Variants in PHF14 observed in about 807,000 individuals in gnomAD.
The protein encoded by PHF14 is PHD finger protein 14.
A neutral mutation model predicts 117.9 loss-of-function variants in PHF14; 55 were observed. That is an observed-to-expected ratio of 0.47 (90% CI 0.38 to 0.58). PHF14 has a LOEUF of 0.58. Ranked by LOEUF, PHF14 falls within the 20% of genes least tolerant of loss-of-function variation. PHF14 has a pLI of 0.00. For missense variants in PHF14, 978 were observed against 1,122.2 expected (o/e 0.87, Z 1.84); for synonymous variants, 409 against 368.6 (o/e 1.11, Z -1.26).
chr7:10,981,857 A>G lies in PHF14; in HGVS notation c.113-515A>G, dbSNP rs139593481. Among the ~76,000 whole-genome samples, 699 of 152,282 alleles carry G rather than the reference A, an allele frequency of 4.6e-3. 3 individuals are homozygous for G. Among genetic ancestry groups the G allele is most frequent in the Non-Finnish European group, 6.3e-3 (430 of 68,022 alleles). ...GTAGTATAAGTTGACTATCATAAAT[A>G]TCTATGCTTATTTTACTGGGTAAAG... On this transcript the variant is annotated intron_variant, in intron 2 of 17. Transcript: ENST00000634607.
chr7:11,102,850 A>G lies in PHF14; in HGVS notation c.2655-8500A>G, dbSNP rs1583467707. On this transcript the variant is annotated intron_variant, in intron 16 of 17. Transcript: ENST00000634607. ...ATGTCTTGTCAGAATTGTCGTATTA[A>G]GTAATGTCTTTCCCTCTTGCTTCTT... 4.2e-6 allele frequency: 5 copies of G among 1,188,768 alleles called. No individual in the cohort carries two copies. The South Asian group carries it at 9.5e-5, about 23-fold the overall frequency. The allele number at this position is 1,188,768 out of a possible 1,614,324, so 73.6% of individuals were successfully genotyped here. A position where few individuals can be genotyped will look rare whatever the true frequency, so the allele number is the denominator to read the frequency against.
intron 16 of PHF14, chr7:11,108,870 A>G (rs1429851000): frequency 6.6e-6 from 1 of 151,808 alleles, no homozygotes. Context: ...AGTTGCCTCA[A>G]GTTATACACT....
At chr7:11,034,876 A>G (rs1277105244) in intron 7 of PHF14, among the ~76,000 whole-genome samples, 1 of 152,052 alleles carries the variant, frequency 6.6e-6, no homozygotes, top group Non-Finnish European at 1.5e-5. Context: ...CCTCAGTAGA[A>G]TCTGTCCATT....
At chr7:11,015,167 C>T (rs139173040) in intron 5 of PHF14, 95 of 152,112 alleles carry the variant, frequency 6.2e-4, no homozygotes, top group African/African-American at 2.1e-3. Context: ...ATATTATGTC[C>T]TAAAATAAAG....
chr7:11,147,319 T>G (rs1466635551), intron 17 of PHF14, among the ~76,000 whole-genome samples: 1 of 152,138 alleles, frequency 6.6e-6, no homozygotes, highest in East Asian at 1.9e-4. Context: ...CAGGAGTGAT[T>G]TTTACTGTGA....
At chr7:11,062,353 CTAT>C in intron 16 of PHF14, 1 of 234,408 alleles carries the variant, frequency 4.3e-6, no homozygotes, top group Middle Eastern at 1.5e-3. Context: ...ACAGTGCTCT[CTAT>C]TTAGAGGCCA....
intron 16 of PHF14, chr7:11,104,456 T>C: frequency 1.9e-5 from 18 of 972,752 alleles, no homozygotes; most frequent in Non-Finnish European, 2.2e-5. Flanking sequence ...GTCCAACTAC[T>C]ATAAGGAGAA....
intron 17 of PHF14, among the ~76,000 whole-genome samples, chr7:11,166,199 C>G (rs1789198121): frequency 6.6e-6 from 1 of 152,068 alleles, no homozygotes; most frequent in Non-Finnish European, 1.5e-5. Context: ...GATACATTTT[C>G]TTTACGATTG....
intron 17 of PHF14, among the ~76,000 whole-genome samples, chr7:11,129,552 T>TTC (rs1329113118): frequency 6.7e-6 from 1 of 149,062 alleles, no homozygotes; most frequent in African/African-American, 2.5e-5. Flanking sequence ...ATGTTTCTTT[T>TTC]TTTTTTTTTT....
chr7:11,034,868 T>C (rs1784261463), intron 7 of PHF14, among the ~76,000 whole-genome samples: 1 of 152,206 alleles, frequency 6.6e-6, no homozygotes, highest in African/African-American at 2.4e-5. Flanking sequence ...ATTTTTATCC[T>C]CAGTAGAATC....
intron 16 of PHF14, chr7:11,104,000 T>C: frequency 1.0e-6 from 1 of 985,052 alleles, no homozygotes; most frequent in Non-Finnish European, 1.2e-6. Flanking sequence ...TGCTGAACTC[T>C]GGCTGCTTTT....
At chr7:11,061,727 A>G (rs1407214677) in intron 14 of PHF14, 64 bp from the exon 15 acceptor site, 5 of 1,186,652 alleles carry the variant, frequency 4.2e-6, no homozygotes, top group African/African-American at 1.6e-5. Flanking sequence ...TATATTTATT[A>G]TTAATTAAAC....
At chr7:11,044,903 C>G (rs1784616825) in intron 13 of PHF14, among the ~76,000 whole-genome samples, 1 of 152,044 alleles carries the variant, frequency 6.6e-6, no homozygotes, top group Non-Finnish European at 1.5e-5. Context: ...GTCGAGTATC[C>G]CAAATCTGAA....
intron 16 of PHF14, among the ~76,000 whole-genome samples, chr7:11,075,369 C>T (rs927331761): frequency 2.0e-5 from 3 of 152,122 alleles, no homozygotes; most frequent in African/African-American, 7.2e-5. Context: ...CACGGATCTG[C>T]CGGCTGTACA....
chr7:10,988,016 CAAAAA>C (rs60714759), intron 3 of PHF14, among the ~76,000 whole-genome samples: 2 of 115,644 alleles, frequency 1.7e-5, no homozygotes, highest in African/African-American at 3.2e-5. Context: ...AACTCCTTCT[CAAAAA>C]AAAAAAAAAA....
chr7:11,029,500 C>A (rs914686687), intron 7 of PHF14, among the ~76,000 whole-genome samples: 1 of 152,032 alleles, frequency 6.6e-6, no homozygotes, highest in Non-Finnish European at 1.5e-5. Flanking sequence ...TTTTTTATGT[C>A]AGTTATCTAG....
intron 17 of PHF14, among the ~76,000 whole-genome samples, chr7:11,127,980 T>G (rs756019619): frequency 6.6e-6 from 1 of 152,044 alleles, no homozygotes; most frequent in African/African-American, 2.4e-5. Context: ...AGGCCACCAT[T>G]TACTCTCCTC....
At chr7:11,063,148 G>A in intron 16 of PHF14, 2 of 963,322 alleles carry the variant, frequency 2.1e-6, no homozygotes, top group Non-Finnish European at 2.5e-6. Context: ...GAAAGATAAA[G>A]TAAAAATTAC....
chr7:10,985,599 G>A (rs1782190368), intron 3 of PHF14, among the ~76,000 whole-genome samples: 1 of 140,744 alleles, frequency 7.1e-6, no homozygotes, highest in South Asian at 2.3e-4. Context: ...ACAACATGCT[G>A]CAGACCCTGA....
Sources: allele counts gnomAD v4.1 joint callset (sites outside exome capture counted in the v4.1 genomes callset), GRCh38; gene constraint gnomAD v4.1.1; transcripts MANE v1.5; gene names NCBI Gene and HGNC (gene_info 2026-07-23, HGNC 2026-07-21).